Variants in AOX1 observed in about 807,000 individuals in gnomAD.
AOX1 encodes aldehyde oxidase.
Under a neutral mutation model 169.5 loss-of-function variants are expected in AOX1, and 153 were observed. The observed-to-expected ratio is 0.90, with a 90% CI of 0.79 to 1.03. The LOEUF (loss-of-function observed/expected upper bound fraction) is 1.03, where lower values mean the gene tolerates loss of function less well. Ranked by LOEUF, AOX1 falls within the 50% of genes least tolerant of loss-of-function variation. The pLI, the probability that AOX1 is intolerant of heterozygous loss-of-function variation, is 0.00. For synonymous variants in AOX1, 562 were observed against 581.9 expected (o/e 0.97, Z 0.49); for missense variants, 1,656 against 1,663.9 (o/e 1.00, Z 0.08).
chr2:200,669,339 G>T (rs1460535542), intron 33 of AOX1, among the ~76,000 whole-genome samples: 1 of 152,022 alleles, frequency 6.6e-6, no homozygotes, highest in Non-Finnish European at 1.5e-5. Context: ...CAGCTACTTG[G>T]AGGCTGAGGC....
chr2:200,619,354 C>A (rs1286013232), intron 16 of AOX1, among the ~76,000 whole-genome samples: 1 of 152,162 alleles, frequency 6.6e-6, no homozygotes, highest in Non-Finnish European at 1.5e-5. Flanking sequence ...ACCTGGCCAA[C>A]ATGACTGCAT....
At chr2:200,623,565 G>A (rs1222477409) in intron 18 of AOX1, among the ~76,000 whole-genome samples, 2 of 152,236 alleles carry the variant, frequency 1.3e-5, no homozygotes, top group Non-Finnish European at 2.9e-5. Flanking sequence ...TCAAGCCATG[G>A]GACAGGCTGG....
At chr2:200,613,027 TGAGAGA>T (rs71022328) in intron 14 of AOX1, among the ~76,000 whole-genome samples, 1 of 146,118 alleles carries the variant, frequency 6.8e-6, no homozygotes, top group Non-Finnish European at 1.5e-5. Flanking sequence ...TGTGTGTGTG[TGAGAGA>T]GAGAGAGAGA....
chr2:200,636,609 T>C (rs1013186663), intron 21 of AOX1, among the ~76,000 whole-genome samples: 1 of 152,176 alleles, frequency 6.6e-6, no homozygotes, highest in African/African-American at 2.4e-5. Context: ...TACAAAAATA[T>C]CTCACTGGTA....
At chr2:200,650,554 A>G (rs2035560435) in intron 25 of AOX1, among the ~76,000 whole-genome samples, 1 of 152,160 alleles carries the variant, frequency 6.6e-6, no homozygotes, top group Non-Finnish European at 1.5e-5. Flanking sequence ...ATTTAAACGA[A>G]CTTTCATGCT....
intron 31 of AOX1, 46 bp from the exon 32 acceptor site, chr2:200,666,641 A>T (rs2035928538): frequency 1.4e-6 from 2 of 1,444,458 alleles, no homozygotes; most frequent in Admixed American, 2.0e-5. Context: ...CTTCTCCCTA[A>T]GTTATTCTCA....
intron 31 of AOX1, among the ~76,000 whole-genome samples, chr2:200,664,892 G>A (rs758230017): frequency 1.7e-4 from 26 of 152,218 alleles, no homozygotes; most frequent in Non-Finnish European, 3.5e-4. Flanking sequence ...CTTCTGAGGG[G>A]CTGGCCTCCG....
At chr2:200,588,796 C>G (rs1276905754) in intron 1 of AOX1, among the ~76,000 whole-genome samples, 2 of 128,550 alleles carry the variant, frequency 1.6e-5, no homozygotes, top group Middle Eastern at 5.2e-3. Flanking sequence ...GACTATGAAA[C>G]TGCAAGCACC....
chr2:200,655,994 G>A (rs1190047210), intron 26 of AOX1, among the ~76,000 whole-genome samples: 3 of 152,188 alleles, frequency 2.0e-5, no homozygotes, highest in Non-Finnish European at 2.9e-5. Flanking sequence ...TGAAGACCTT[G>A]ACATTACAAA....
rs1338561589 is a variant in AOX1, at chr2:200,638,307, G to A, written c.2568+5G>A. 2 of 1,612,582 alleles carry A rather than the reference G, an allele frequency of 1.2e-6. No homozygotes were observed. The highest frequency in any genetic ancestry group is 1.7e-6 in the Non-Finnish European group (2 of 1,178,772). ...CCTTACCTTGGAAAGTACAAAGTGA[G>A]TACAAGAGGGCATGGAGGAAGGATT... On this transcript the variant is annotated splice_donor_5th_base_variant and intron_variant, in intron 23 of 34. Transcript: ENST00000374700.
At chr2:200,607,709 A>T (rs897009624) in intron 10 of AOX1, among the ~76,000 whole-genome samples, 1 of 152,216 alleles carries the variant, frequency 6.6e-6, no homozygotes, top group Non-Finnish European at 1.5e-5. Flanking sequence ...AAAGACTTGG[A>T]ACCAACCCAA....
At chr2:200,621,489 G>A (rs2034885451) in intron 18 of AOX1, among the ~76,000 whole-genome samples, 1 of 152,054 alleles carries the variant, frequency 6.6e-6, no homozygotes, top group Non-Finnish European at 1.5e-5. Context: ...TAGTGAGATG[G>A]CATACTGCTA....
At chr2:200,670,578 A>G (rs1357062721) in intron 34 of AOX1, 51 bp from the exon 35 acceptor site, 8 of 1,508,576 alleles carry the variant, frequency 5.3e-6, no homozygotes, top group Middle Eastern at 1.7e-4. Flanking sequence ...TTTTTCACCT[A>G]AGTCACAAAC....
downstream of AOX1, chr2:200,671,552 A>G (rs943863040): frequency 1.3e-5 from 2 of 152,258 alleles, no homozygotes; most frequent in African/African-American, 4.8e-5. Flanking sequence ...AAGCATTAAA[A>G]ATATGCTCAA....
intron 31 of AOX1, among the ~76,000 whole-genome samples, chr2:200,663,586 T>A (rs1328451427): frequency 7.1e-6 from 1 of 140,000 alleles, no homozygotes; most frequent in Non-Finnish European, 1.6e-5. Flanking sequence ...TCTCTCTCTC[T>A]CTCTCTCTCT....
intron 4 of AOX1, among the ~76,000 whole-genome samples, chr2:200,599,401 CT>C (rs779394885): frequency 2.0e-5 from 3 of 152,214 alleles, no homozygotes; most frequent in East Asian, 3.9e-4. Context: ...GTGGTAACCA[CT>C]GCCTTAAGTG....
rs2034465630 is a variant in AOX1 at position 200,604,001 on chromosome 2, T to C, written c.589-16T>C. 1.3e-6 allele frequency: 2 copies of C among 1,560,206 alleles called. No individual in the cohort carries two copies. Among genetic ancestry groups the C allele is most frequent in the Middle Eastern group, 1.7e-4 (1 of 5,940 alleles). Reference sequence around the variant, plus strand: ...GTTGCTCGATAACAGTAATTTCTGATATGTTCTCTTTTTAGACAAGTCCAA... The same window carrying C: ...GTTGCTCGATAACAGTAATTTCTGACATGTTCTCTTTTTAGACAAGTCCAA... On this transcript the variant is annotated splice_polypyrimidine_tract_variant and intron_variant, in intron 7 of 34. Coordinates refer to ENST00000374700, the MANE Select transcript of AOX1 (RefSeq NM_001159.4).
intron 4 of AOX1, among the ~76,000 whole-genome samples, chr2:200,597,767 T>C (rs2034316975): frequency 1.3e-5 from 2 of 152,232 alleles, no homozygotes; most frequent in African/African-American, 2.4e-5. Context: ...GTTTGTTTTT[T>C]GTGTTCTAAT....
chr2:200,661,742 C>T, intron 30 of AOX1, 111 bp downstream of exon 30: 1 of 788,104 alleles, frequency 1.3e-6, no homozygotes, highest in Non-Finnish European at 2.2e-6. Context: ...TTCTATTTAC[C>T]CATGGTTATA....
Sources: gnomAD v4.1 joint callset for allele counts (sites outside exome capture counted in the v4.1 genomes callset) on GRCh38, gnomAD v4.1.1 for gene constraint, MANE v1.5 for transcripts, NCBI Gene and HGNC (gene_info 2026-07-23, HGNC 2026-07-21) for gene names.